The following ANLN variants were observed in gnomAD, a reference collection of about 807,000 sequenced individuals.
The protein encoded by ANLN is anillin.
Under a neutral mutation model 135.1 loss-of-function variants are expected in ANLN, and 59 were observed. The observed-to-expected ratio is 0.44, with a 90% CI of 0.35 to 0.54. The LOEUF (loss-of-function observed/expected upper bound fraction) is 0.54, where lower values mean the gene tolerates loss of function less well. Among genes scored for constraint, ANLN ranks in the 20% least tolerant of loss-of-function variants. The pLI is 0.00. For synonymous variants in ANLN, 406 were observed against 456.4 expected (o/e 0.89, Z 1.41); for missense variants, 1,182 against 1,340.0 (o/e 0.88, Z 1.84).
intron 21 of ANLN, among the ~76,000 whole-genome samples, chr7:36,443,024 A>C (rs1788840810): frequency 6.6e-6 from 1 of 152,010 alleles, no homozygotes; most frequent in African/African-American, 2.4e-5. Context: ...AGTGGGGGAA[A>C]AACTCTTAGC....
chr7:36,403,924 G>A (rs1787077372), intron 3 of ANLN, among the ~76,000 whole-genome samples: 1 of 152,192 alleles, frequency 6.6e-6, no homozygotes, highest in African/African-American at 2.4e-5. Flanking sequence ...GCCTCCCAAA[G>A]TGGTGGGATT....
At chr7:36,447,119 C>T (rs758917502) in intron 22 of ANLN, among the ~76,000 whole-genome samples, 1 of 152,210 alleles carries the variant, frequency 6.6e-6, no homozygotes, top group Non-Finnish European at 1.5e-5. Flanking sequence ...TTTAATTAAG[C>T]ACTTACCATT....
intron 6 of ANLN, 128 bp from the exon 7 acceptor site, chr7:36,410,931 T>G: frequency 1.0e-6 from 1 of 966,634 alleles, no homozygotes. Context: ...TATTATGAAC[T>G]TTTTAAACTG....
chr7:36,403,672 GGGCCTT>G (rs2116558127), intron 3 of ANLN: 1 of 152,260 alleles, frequency 6.6e-6, no homozygotes, highest in East Asian at 1.9e-4. Context: ...TTTTGAGACA[GGGCCTT>G]GCCTCATTGC....
rs746732647 is a variant in ANLN at position 36,424,694 on chromosome 7, G to A, written c.2661G>A (p.Lys887=). 10 of 1,612,272 alleles carry A rather than the reference G, an allele frequency of 6.2e-6. No homozygotes were observed. The South Asian group carries it at 8.8e-5, about 14-fold the overall frequency. ...INIEVYSLVQ[K]KDPSGLDKKK... ...TTTGGGTTTGTGCGTAGGTGCAAAA[G>A]AAAGATCCCTCAGGCCTTGATAAGA... The change falls in exon 17 of 24, where the codon AAG becomes AAA. Residue 887 remains lysine, a synonymous_variant. Coordinates refer to ENST00000265748, the MANE Select transcript of ANLN (RefSeq NM_018685.5).
intron 20 of ANLN, 48 bp from the exon 21 acceptor site, chr7:36,439,156 T>A (rs897357526): frequency 4.8e-6 from 5 of 1,041,140 alleles, no homozygotes; most frequent in Non-Finnish European, 7.4e-6. Flanking sequence ...TCAAGAAAAA[T>A]CACACTTTGA....
intron 21 of ANLN, among the ~76,000 whole-genome samples, chr7:36,441,267 C>G (rs3801305): frequency 2.0e-5 from 3 of 152,106 alleles, no homozygotes; most frequent in Non-Finnish European, 2.9e-5. Flanking sequence ...GGGCTCTTAA[C>G]GAGCTTGTTA....
rs1407324232 is a variant in ANLN, at chr7:36,420,604, G to A, written c.2023G>A (p.Ala675Thr). The change falls in exon 12 of 24, where the codon GCA (alanine) becomes ACA (threonine). Residue 675 changes from alanine to threonine, a missense_variant. Ala to Thr is a moderately conservative substitution (Grantham distance 58). Coordinates refer to ENST00000265748, the MANE Select transcript of ANLN (RefSeq NM_018685.5). ...GTAACTTACCTCTTGAAGCATTGAT[G>A]CATATAGATCTCAAAGATTCAAAGA... ...EDRDLLYSID[A>T]YRSQRFKETE... 3 of 1,611,350 alleles carry A rather than the reference G, an allele frequency of 1.9e-6. No individual in the cohort carries two copies. The highest frequency in any genetic ancestry group is 2.2e-5 in the East Asian group (1 of 44,860).
At chr7:36,445,289 T>A (rs1018492734) in intron 22 of ANLN, among the ~76,000 whole-genome samples, 19 of 150,608 alleles carry the variant, frequency 1.3e-4, no homozygotes, top group Admixed American at 1.1e-3. Flanking sequence ...TTGAGCATCA[T>A]GTTGACTCTC....
At chr7:36,422,539 C>T (rs1787920224) in intron 13 of ANLN, 94 bp from the exon 14 acceptor site, 9 of 1,110,798 alleles carry the variant, frequency 8.1e-6, no homozygotes, top group South Asian at 5.2e-5. Flanking sequence ...TTCGCTGTTA[C>T]GTACAGTTTC....
intron 7 of ANLN, among the ~76,000 whole-genome samples, chr7:36,412,393 A>G (rs957072154): frequency 2.8e-4 from 40 of 143,798 alleles, no homozygotes; most frequent in Non-Finnish European, 6.0e-4. Context: ...CAATGGCACG[A>G]TCTTGGCTTA....
At chr7:36,407,631 C>A (rs1285174660) in intron 4 of ANLN, 103 bp from the exon 5 acceptor site, 4 of 837,852 alleles carry the variant, frequency 4.8e-6, no homozygotes, top group Non-Finnish European at 5.6e-6. Flanking sequence ...TTTCATAAAT[C>A]TTACATAAAG....
chr7:36,416,612 T>G (rs1049367526), intron 8 of ANLN, among the ~76,000 whole-genome samples: 7 of 152,228 alleles, frequency 4.6e-5, no homozygotes, highest in African/African-American at 1.7e-4. Context: ...ATTGGCACTT[T>G]GTTTTTAAAG....
intron 3 of ANLN, among the ~76,000 whole-genome samples, chr7:36,399,777 G>A (rs111409308): frequency 6.6e-6 from 1 of 152,160 alleles, no homozygotes; most frequent in African/African-American, 2.4e-5. Context: ...ATGCAATGCT[G>A]TTCAGTAGGG....
At chr7:36,411,558 A>C (rs931820636) in intron 7 of ANLN, among the ~76,000 whole-genome samples, 8 of 152,296 alleles carry the variant, frequency 5.3e-5, no homozygotes, top group Middle Eastern at 6.8e-3. Flanking sequence ...CCTTTCAGTC[A>C]CCACATACCT....
intron 20 of ANLN, among the ~76,000 whole-genome samples, chr7:36,429,802 T>C (rs1295680909): frequency 6.6e-6 from 1 of 152,190 alleles, no homozygotes; most frequent in East Asian, 1.9e-4. Flanking sequence ...TTAAAAACTT[T>C]TTTTGGCTGC....
intron 5 of ANLN, among the ~76,000 whole-genome samples, chr7:36,409,337 C>T (rs568180873): frequency 2.0e-5 from 3 of 152,202 alleles, no homozygotes; most frequent in African/African-American, 7.2e-5. Flanking sequence ...ATGGCCGTGG[C>T]TCAAATTCTG....
rs569518765 is a variant in ANLN, at chr7:36,413,178, G to A, written c.1395+2012G>A. 2.0e-5 allele frequency among the ~76,000 whole-genome samples: 3 copies of A among 151,502 alleles called. No individual in the cohort carries two copies. The South Asian group carries it at 6.3e-4, about 32-fold the overall frequency. On this transcript the variant is annotated intron_variant, in intron 7 of 23. Coordinates refer to ENST00000265748, the MANE Select transcript of ANLN (RefSeq NM_018685.5). The stretch of plus-strand genomic sequence containing the variant: ...ATCAGCATATAACAAGCTATTATCT[G>A]CCATCTGAAAAAAAAAACAACTCTT...
intron 19 of ANLN, 36 bp from the exon 20 acceptor site, chr7:36,426,880 A>G: frequency 1.5e-6 from 2 of 1,370,896 alleles, no homozygotes; most frequent in Non-Finnish European, 2.0e-6. Context: ...AACAAAAGTC[A>G]TTCTGAACTA....
Sources: gnomAD v4.1 joint callset for allele counts (sites outside exome capture counted in the v4.1 genomes callset) on GRCh38, gnomAD v4.1.1 for gene constraint, MANE v1.5 for transcripts, NCBI Gene and HGNC (gene_info 2026-07-23, HGNC 2026-07-21) for gene names.